The following PDZD2 variants were observed in gnomAD, a reference collection of about 807,000 sequenced individuals.
The protein encoded by PDZD2 is PDZ domain-containing protein 2.
In PDZD2, 90 loss-of-function variants were observed where a neutral mutation model predicts 220.7. The ratio of observed to expected loss-of-function variants is 0.41; its 90% confidence interval spans 0.34 to 0.49. PDZD2 has a LOEUF of 0.49. Ranked by LOEUF, PDZD2 falls within the 20% of genes least tolerant of loss-of-function variation. The pLI is 0.28. For synonymous variants in PDZD2, 1,375 were observed against 1,450.5 expected (o/e 0.95, Z 1.18); for missense variants, 3,174 against 3,608.5 (o/e 0.88, Z 3.08).
intron 1 of PDZD2, among the ~76,000 whole-genome samples, chr5:31,649,862 C>T (rs1048456474): frequency 7.6e-6 from 1 of 131,712 alleles, no homozygotes; most frequent in Non-Finnish European, 1.6e-5. Flanking sequence ...CGCTTGAACC[C>T]GGGAGGCGGA....
intron 18 of PDZD2, among the ~76,000 whole-genome samples, chr5:32,075,127 T>G (rs1455933148): frequency 6.6e-6 from 1 of 152,010 alleles, no homozygotes; most frequent in Non-Finnish European, 1.5e-5. Flanking sequence ...AGCTTATTAA[T>G]GTATCAGCAG....
intron 1 of PDZD2, among the ~76,000 whole-genome samples, chr5:31,696,540 T>C (rs963350835): frequency 3.9e-5 from 6 of 152,154 alleles, no homozygotes; most frequent in Admixed American, 3.3e-4. Flanking sequence ...TGGCCTCAAG[T>C]GATCTACAAG....
intron 1 of PDZD2, among the ~76,000 whole-genome samples, chr5:31,770,999 G>T (rs1752309187): frequency 6.6e-6 from 1 of 152,130 alleles, no homozygotes; most frequent in Non-Finnish European, 1.5e-5. Flanking sequence ...AATCATTAGG[G>T]AAGCTTGCTA....
chr5:31,832,590 C>G (rs1756675096), intron 2 of PDZD2: 1 of 152,120 alleles, frequency 6.6e-6, no homozygotes, highest in African/African-American at 2.4e-5. Flanking sequence ...CCCAGGCAGG[C>G]AGATCACCTG....
intron 1 of PDZD2, among the ~76,000 whole-genome samples, chr5:31,778,687 G>A (rs10472781): frequency 0.28 from 41,881 of 152,084 alleles, 6,915 homozygotes; most frequent in East Asian, 0.66. Flanking sequence ...AACACTCACC[G>A]GGAGGGTCCG....
chr5:31,740,862 T>C (rs10041714), intron 1 of PDZD2, among the ~76,000 whole-genome samples: 2,758 of 152,326 alleles, frequency 0.018, 83 homozygotes, highest in African/African-American at 0.063. Flanking sequence ...TTTGGGGCAT[T>C]GTCCTCGTAA....
At chr5:31,648,382 G>A (rs780110941) in intron 1 of PDZD2, among the ~76,000 whole-genome samples, 23 of 151,930 alleles carry the variant, frequency 1.5e-4, no homozygotes, top group Non-Finnish European at 2.5e-4. Context: ...TCCTCCTCCC[G>A]TCTCAGTAAA....
intron 1 of PDZD2, among the ~76,000 whole-genome samples, chr5:31,776,613 G>A (rs115653097): frequency 0.062 from 8,952 of 145,498 alleles, 348 homozygotes; most frequent in Non-Finnish European, 0.089. Flanking sequence ...ACCACGCCTG[G>A]CCTTATTTTT....
chr5:31,981,872 C>T (rs767190793), intron 2 of PDZD2, among the ~76,000 whole-genome samples: 4 of 152,120 alleles, frequency 2.6e-5, no homozygotes, highest in Admixed American at 6.5e-5. Context: ...TTTGATGATC[C>T]GGTCCCGAAT....
At chr5:31,788,640 T>G (rs930386183) in intron 1 of PDZD2, among the ~76,000 whole-genome samples, 1 of 152,116 alleles carries the variant, frequency 6.6e-6, no homozygotes, top group Non-Finnish European at 1.5e-5. Context: ...CACTCCAGCC[T>G]GGGTGACAAA....
intron 1 of PDZD2, among the ~76,000 whole-genome samples, chr5:31,790,979 T>G (rs1024134590): frequency 1.1e-4 from 16 of 152,008 alleles, no homozygotes; most frequent in Admixed American, 9.8e-4. Flanking sequence ...ATTACAGGCA[T>G]GAGCCACCGC....
In PDZD2 at chr5:32,058,079, G is replaced by T; in HGVS notation, c.2176G>T (p.Val726Phe). The T allele has an allele frequency of 6.3e-7, 1 of 1,589,478 alleles. No homozygotes were observed. The highest frequency in any genetic ancestry group is 1.7e-5 in the Admixed American group (1 of 59,996). Reference protein sequence around the residue: ...RKTPGPKDRIVMEVTLNKEPR... With the variant: ...RKTPGPKDRIFMEVTLNKEPR... ...GACCCCTGGGCCCAAGGACAGGATC[G>T]TCATGGAAGTAACACTCAACAAAGG... The change falls in exon 12 of 25, where the codon GTC (valine) becomes TTC (phenylalanine). Residue 726 changes from valine (V) to phenylalanine (F), a missense_variant. Physicochemically the swap from Val to Phe is conservative, Grantham distance 50. This residue lies in a region of PDZD2 where 1,861 missense variants were observed against 2,001.0 expected (regional missense o/e 0.93). Coordinates refer to ENST00000438447, the MANE Select transcript of PDZD2 (RefSeq NM_178140.4).
intron 1 of PDZD2, among the ~76,000 whole-genome samples, chr5:31,725,129 G>A (rs1246637727): frequency 6.6e-6 from 1 of 151,820 alleles, no homozygotes; most frequent in Non-Finnish European, 1.5e-5. Context: ...TCAAGAGTTC[G>A]AGACCAGCCT....
At chr5:31,796,934 G>GT (rs528831445) in intron 1 of PDZD2, among the ~76,000 whole-genome samples, 1,943 of 142,168 alleles carry the variant, frequency 0.014, 17 homozygotes, top group African/African-American at 0.026. Flanking sequence ...TTGTTTTTTT[G>GT]TTTTTTTTTT....
At chr5:32,105,660 G>A (rs1465043572) in intron 24 of PDZD2, among the ~76,000 whole-genome samples, 1 of 152,214 alleles carries the variant, frequency 6.6e-6, no homozygotes, top group Non-Finnish European at 1.5e-5. Flanking sequence ...TGCACTGTGT[G>A]ACACCAATTC....
rs781518151 is a variant in PDZD2, at chr5:32,087,402, G to C, written c.3954G>C (p.Arg1318Ser). ...AAACCAGCACACCCCACAATACCAG[G>C]AGGGTGGCTGCCCTCAGGGGAGCGG... ...ASETSTPHNT[R>S]RVAALRGAGP... is the part of the protein sequence containing the mutation. Residue 1318 changes from arginine (R) to serine (S), a missense_variant, in exon 20 of 25, where the codon AGG (arginine) becomes AGC (serine). By Grantham distance (110) the Arg-to-Ser change is moderately radical (BLOSUM62 -1). Transcript: ENST00000438447. The surrounding 1 kb of genome is among the most constrained non-coding windows in gnomAD (Gnocchi z 4.0). The C allele has an allele frequency of 1.2e-6, 2 of 1,614,166 alleles. No homozygotes were observed. Among genetic ancestry groups the C allele is most frequent in the Non-Finnish European group, 1.7e-6 (2 of 1,180,004 alleles).
chr5:31,980,559 C>G (rs1306770601), intron 2 of PDZD2, among the ~76,000 whole-genome samples: 1 of 152,180 alleles, frequency 6.6e-6, no homozygotes, highest in Non-Finnish European at 1.5e-5. Context: ...TGTTTATGCC[C>G]TGCACTGATT....
chr5:32,089,364 C>G lies in PDZD2; in HGVS notation c.5916C>G (p.Pro1972=). The change falls in exon 20 of 25, where the codon CCC becomes CCG. Residue 1972 remains proline, a synonymous_variant. Coordinates refer to ENST00000438447, the MANE Select transcript of PDZD2 (RefSeq NM_178140.4). ...PPLATSGPLK[P]SVSDTSIRTF... is the part of the protein sequence containing the mutation. ...TTGCCACCTCTGGGCCACTGAAACCCTCAGTGTCTGACACGAGCATCAGGA... is the reference window on the plus strand; with the variant it reads ...TTGCCACCTCTGGGCCACTGAAACCGTCAGTGTCTGACACGAGCATCAGGA... 6.2e-7 allele frequency: 1 copy of G among 1,614,142 alleles called. No homozygotes were observed. The highest frequency in any genetic ancestry group is 1.3e-5 in the African/African-American group (1 of 75,066).
chr5:32,068,775 G>A (rs1467129601), intron 14 of PDZD2, among the ~76,000 whole-genome samples: 1 of 152,110 alleles, frequency 6.6e-6, no homozygotes, highest in African/African-American at 2.4e-5. Flanking sequence ...ATATTTATGG[G>A]TAAGGGGTCA....
Sources: allele counts gnomAD v4.1 joint callset (sites outside exome capture counted in the v4.1 genomes callset), GRCh38; gene constraint gnomAD v4.1.1; regional missense constraint gnomAD v4.1.1; non-coding constraint Gnocchi (gnomAD v3.1); transcripts MANE v1.5; gene names NCBI Gene and HGNC (gene_info 2026-07-23, HGNC 2026-07-21).